Variants in ZFR2 observed in about 807,000 individuals in gnomAD.
ZFR2 encodes zinc finger RNA binding protein 2.
Under a neutral mutation model 105.7 loss-of-function variants are expected in ZFR2, and 104 were observed. The observed-to-expected ratio is 0.98, with a 90% confidence interval of 0.84 to 1.16. ZFR2 has a LOEUF of 1.16. Ranked by LOEUF, ZFR2 falls within the 50% of genes most tolerant of loss-of-function variation. The pLI, the probability that ZFR2 is intolerant of heterozygous loss-of-function variation, is 0.00. For missense variants in ZFR2, 1,425 were observed against 1,355.5 expected (o/e 1.05, Z -0.80); for synonymous variants, 634 against 597.7 (o/e 1.06, Z -0.89).
At chr19:3,817,163 G>A (rs1006663038) in intron 12 of ZFR2, among the ~76,000 whole-genome samples, 9 of 152,284 alleles carry the variant, frequency 5.9e-5, no homozygotes, top group Middle Eastern at 6.8e-3. Context: ...TGGCTCCCGC[G>A]TTCACGGACT....
chr19:3,846,774 C>A (rs1045056225), intron 1 of ZFR2, among the ~76,000 whole-genome samples: 14 of 152,192 alleles, frequency 9.2e-5, no homozygotes, highest in African/African-American at 3.4e-4. Flanking sequence ...GAATATACTT[C>A]TACAGAAAAG....
chr19:3,821,733 C>T (rs28481459), intron 9 of ZFR2, among the ~76,000 whole-genome samples: 3,576 of 151,218 alleles, frequency 0.024, 133 homozygotes, highest in African/African-American at 0.082. Flanking sequence ...CCTGCCTCAG[C>T]CTCCCGAGTA....
At chr19:3,806,154 C>T (rs1280358298) in intron 18 of ZFR2, 29 bp from the exon 19 acceptor site, 1 of 1,403,072 alleles carries the variant, frequency 7.1e-7, no homozygotes. Flanking sequence ...CTGTCAGGAC[C>T]CCCGCCCGCT....
rs182756579 is a variant in ZFR2, at chr19:3,861,839, T to C, written c.53+7126A>G. Among the ~76,000 whole-genome samples the C allele has an allele frequency of 1.1e-3, 163 of 151,202 alleles. 1 individual carries two copies. The highest frequency in any genetic ancestry group is 3.9e-3 in the African/African-American group (159 of 41,122). The stretch of plus-strand genomic sequence containing the variant: ...TGCTAGGGAGGCTGAGGCAGGAGGA[T>C]TGCTTAAACTCGTGAGCCAGACGTT... On this transcript the variant is annotated intron_variant, in intron 1 of 18. Transcript: ENST00000262961.
chr19:3,823,319 G>A lies in ZFR2; in HGVS notation c.1298C>T (p.Thr433Ile). ...GGGAGCTTCCTTTGAGCCTCCTTGG[G>A]TAGGTGCTCCGGGACCCTCTAATTT... is the stretch of plus-strand genomic sequence containing the variant. The part of the protein sequence containing the change: ...QPKLEGPGAP[T>I]QGGSKEAPAG... Residue 433 changes from threonine (T) to isoleucine (I), a missense_variant, in exon 8 of 19, where the codon ACC becomes ATC. Physicochemically the swap from Thr to Ile is moderately conservative, Grantham distance 89 (BLOSUM62 -1). Transcript: ENST00000262961. This position sits in a 1 kb window ranked among gnomAD's most constrained non-coding sequence, Gnocchi z 5.4. 2 of 1,614,046 alleles carry A rather than the reference G, an allele frequency of 1.2e-6. No homozygotes were observed. The highest frequency in any genetic ancestry group is 1.7e-6 in the Non-Finnish European group (2 of 1,179,888).
intron 13 of ZFR2, among the ~76,000 whole-genome samples, chr19:3,815,275 A>G (rs2037813195): frequency 6.6e-6 from 1 of 152,102 alleles, no homozygotes; most frequent in Non-Finnish European, 1.5e-5. Flanking sequence ...TTTTTAGTAC[A>G]GATGGGGTTT....
chr19:3,806,760 G>A (rs183151149), intron 18 of ZFR2, among the ~76,000 whole-genome samples: 5 of 152,340 alleles, frequency 3.3e-5, no homozygotes, highest in South Asian at 2.1e-4. Flanking sequence ...ATTCAGAAAC[G>A]TCAGACCCGA....
At position 3,813,983 on chromosome 19, in the gene ZFR2, G is replaced by T; in HGVS notation, c.2104-25C>A. On this transcript the variant is annotated intron_variant, in intron 13 of 18. Coordinates refer to ENST00000262961, the MANE Select transcript of ZFR2 (RefSeq NM_015174.2). This position sits in a 1 kb window ranked among gnomAD's most constrained non-coding sequence, Gnocchi z 4.4. ...TCTGGGAGGGGTAAATACAACACAA[G>T]GCCACCTTACTGCAGCCCAGATTCA... 2 of 1,612,868 alleles carry T rather than the reference G, an allele frequency of 1.2e-6. No homozygotes were observed. Among genetic ancestry groups the T allele is most frequent in the Non-Finnish European group, 1.7e-6 (2 of 1,179,478 alleles).
intron 1 of ZFR2, among the ~76,000 whole-genome samples, chr19:3,861,952 A>C (rs2038379147): frequency 1.3e-5 from 2 of 152,092 alleles, no homozygotes; most frequent in Admixed American, 1.3e-4. Context: ...AAATACAAAG[A>C]CAATGAACAC....
At position 3,808,935 on chromosome 19, in the gene ZFR2, G is replaced by A; in HGVS notation, c.2482C>T (p.Leu828=). The change falls in exon 17 of 19, where the codon CTG becomes TTG. Residue 828 remains leucine, a synonymous_variant. Transcript: ENST00000262961. ...EKAVSSAAGP[L]GPGDAVRRVL... ...CGCCTGACTGCATCCCCGGGGCCCA[G>A]GGGCCCAGCCGCACTGCTCACAGCC... The A allele has an allele frequency of 1.3e-6, 2 of 1,572,526 alleles. No homozygotes were observed. The highest frequency in any genetic ancestry group is 1.7e-6 in the Non-Finnish European group (2 of 1,161,322).
In ZFR2 at chr19:3,861,895, C is replaced by T. The variant is rs997570104; in HGVS notation, c.53+7070G>A. 5.4e-4 allele frequency among the ~76,000 whole-genome samples: 82 copies of T among 152,184 alleles called. 1 individual carries two copies. The highest frequency in any genetic ancestry group is 5.4e-3 in the Admixed American group (82 of 15,264). ...GAGCCGAGATCGCGCCATTGCACTC[C>T]AGCCTGGGCAACAGAGTGAGACCCT... On this transcript the variant is annotated intron_variant, in intron 1 of 18. Coordinates refer to ENST00000262961, the MANE Select transcript of ZFR2 (RefSeq NM_015174.2).
chr19:3,865,399 G>A (rs1227343709), intron 1 of ZFR2, among the ~76,000 whole-genome samples: 1 of 152,072 alleles, frequency 6.6e-6, no homozygotes, highest in Non-Finnish European at 1.5e-5. Flanking sequence ...GCCCAGGCTG[G>A]AGTCCAGTGT....
At chr19:3,849,069 G>A (rs1002333601) in intron 1 of ZFR2, among the ~76,000 whole-genome samples, 4 of 152,194 alleles carry the variant, frequency 2.6e-5, no homozygotes, top group South Asian at 2.1e-4. Flanking sequence ...ATAGTAAATC[G>A]TGAGTAGCTT....
intron 1 of ZFR2, among the ~76,000 whole-genome samples, chr19:3,836,870 T>C (rs2038080255): frequency 6.6e-6 from 1 of 152,146 alleles, no homozygotes; most frequent in Non-Finnish European, 1.5e-5. Flanking sequence ...TAAAAGCCCA[T>C]TTGCCAGGGA....
rs369744811 is a variant in ZFR2, at chr19:3,819,128, G to A, written c.1848C>T (p.His616=). The A allele has an allele frequency of 6.6e-5, 106 of 1,611,098 alleles. 1 individual carries two copies. In the East Asian group the frequency reaches 8.7e-4, roughly 13 times the overall value. The change falls in exon 12 of 19, where the codon CAC becomes CAT. Residue 616 remains histidine (H), a synonymous_variant. Coordinates refer to ENST00000262961, the MANE Select transcript of ZFR2 (RefSeq NM_015174.2). ...ACACCAGCTTGAGGGCCCGCTCTGCGTGGGACACGGCCCTCTGCACGGCCA... is the reference window on the plus strand; with the variant it reads ...ACACCAGCTTGAGGGCCCGCTCTGCATGGGACACGGCCCTCTGCACGGCCA... ...ELLAVQRAVS[H]AERALKLVSD... is the part of the protein sequence containing the mutation.
chr19:3,853,960 T>C (rs1180402927), intron 1 of ZFR2, among the ~76,000 whole-genome samples: 1 of 151,884 alleles, frequency 6.6e-6, no homozygotes, highest in Non-Finnish European at 1.5e-5. Flanking sequence ...GGTGTGTGCC[T>C]GTAGTCCCAG....
intron 2 of ZFR2, among the ~76,000 whole-genome samples, 184 bp from the exon 3 acceptor site, chr19:3,833,962 C>A (rs1314116236): frequency 3.3e-5 from 5 of 151,928 alleles, no homozygotes; most frequent in African/African-American, 9.7e-5. Context: ...GGGCAGGGGG[C>A]AGGGGGCGTG....
At chr19:3,853,331 G>A (rs2038261979) in intron 1 of ZFR2, among the ~76,000 whole-genome samples, 1 of 152,200 alleles carries the variant, frequency 6.6e-6, no homozygotes, top group African/African-American at 2.4e-5. Flanking sequence ...GATGAAAGCT[G>A]TGGCCTCCCG....
intron 1 of ZFR2, among the ~76,000 whole-genome samples, chr19:3,836,610 T>G (rs1314240260): frequency 2.6e-5 from 4 of 152,230 alleles, no homozygotes; most frequent in Non-Finnish European, 5.9e-5. Flanking sequence ...AGCACTAAAC[T>G]AATAACTCTT....
Sources: allele counts gnomAD v4.1 joint callset (sites outside exome capture counted in the v4.1 genomes callset), GRCh38; gene constraint gnomAD v4.1.1; non-coding constraint Gnocchi (gnomAD v3.1); transcripts MANE v1.5; gene names NCBI Gene and HGNC (gene_info 2026-07-23, HGNC 2026-07-21).